Variants in HOXA7 observed in about 807,000 individuals in gnomAD.
HOXA7 encodes the protein homeobox A7, also known as homeobox protein Hox-A7.
HOXA7 carries 16 observed loss-of-function variants against 16.8 expected under a neutral mutation model. The observed-to-expected ratio is 0.95, with a 90% CI of 0.64 to 1.44. The LOEUF (loss-of-function observed/expected upper bound fraction) is 1.44. Among genes scored for constraint, HOXA7 ranks in the 40% most tolerant of loss-of-function variants. The probability of loss-of-function intolerance (pLI) is 0.00; values close to 1 mark genes in which losing one functional copy is unlikely to be tolerated. For missense variants in HOXA7, 379 were observed against 328.6 expected, an observed-to-expected ratio of 1.15 and a Z score of -1.19; for synonymous variants, 169 against 144.3, an observed-to-expected ratio of 1.17 and a Z score of -1.23.
intron 1 of HOXA7, 86 bp downstream of exon 1, chr7:27,156,081 C>T (rs1357388513): frequency 2.2e-6 from 3 of 1,364,728 alleles, no homozygotes; most frequent in Non-Finnish European, 2.8e-6. Context: ...TCCGGCCCCG[C>T]GCCCCGCGCT....
Position 27,156,261 on chromosome 7 carries a change from G to A in HOXA7, c.285C>T (p.Asp95=). The A allele has an allele frequency of 1.2e-6, 2 of 1,612,272 alleles. No individual in the cohort carries two copies. Residue 95 remains aspartate (D), a synonymous_variant, in exon 1 of 2, where the codon GAC becomes GAT. Transcript: ENST00000242159. ...TCTTGTCGCAGGCGCCTTTGGCGAG[G>A]TCACTGCAGAGCCCGGGGATGTTTT... ...YDQNIPGLCS[D]LAKGACDKTD... is the part of the protein sequence containing the mutation.
At position 27,156,238 on chromosome 7, in the gene HOXA7, T is replaced by G; in HGVS notation, c.308A>C (p.Lys103Thr). The change falls in exon 1 of 2, where the codon AAG becomes ACG. Residue 103 changes from lysine (K) to threonine (T), a missense_variant. Coordinates refer to ENST00000242159, the MANE Select transcript of HOXA7 (RefSeq NM_006896.4). ...CSDLAKGACDKTDEGALHGAA... is the reference protein window; with the variant it reads ...CSDLAKGACDTTDEGALHGAA... ...GCCATGCAGCGCGCCCTCGTCCGTC[T>G]TGTCGCAGGCGCCTTTGGCGAGGTC... The G allele has an allele frequency of 1.2e-6, 2 of 1,608,020 alleles. No individual in the cohort carries two copies. Among genetic ancestry groups the G allele is most frequent in the Non-Finnish European group, 1.7e-6 (2 of 1,177,224 alleles).
rs1783078553 is a variant in HOXA7, at chr7:27,154,983, C to T, written c.619G>A (p.Ala207Thr). The change falls in exon 2 of 2, where the codon GCC (alanine) becomes ACC (threonine). Residue 207 changes from alanine (A) to threonine (T), a missense_variant. Coordinates refer to ENST00000242159, the MANE Select transcript of HOXA7 (RefSeq NM_006896.4). ...AAAPEGAVPS[A>T]AATAAADKAD... is the part of the protein sequence containing the mutation. ...TTGTCCGCGGCAGCAGTGGCGGCGG[C>T]AGAGGGCACGGCGCCCTCGGGAGCT... 6.2e-7 allele frequency: 1 copy of T among 1,613,504 alleles called. No individual in the cohort carries two copies. Among genetic ancestry groups the T allele is most frequent in the Non-Finnish European group, 8.5e-7 (1 of 1,179,582 alleles).
Position 27,156,201 on chromosome 7 carries a change from G to T in HOXA7, c.345C>A (p.Ala115=), listed in dbSNP as rs747409129. ...DEGALHGAAE[A]NFRIYPWMRS... Reference sequence around the variant, plus strand: ...GCATCCAGGGGTAGATGCGGAAATTGGCCTCAGCCGCGCCATGCAGCGCGC... The same window carrying T: ...GCATCCAGGGGTAGATGCGGAAATTTGCCTCAGCCGCGCCATGCAGCGCGC... Residue 115 remains alanine (A), a synonymous_variant, in exon 1 of 2, where the codon GCC becomes GCA. Coordinates refer to ENST00000242159, the MANE Select transcript of HOXA7 (RefSeq NM_006896.4). 13 of 1,587,610 alleles carry T rather than the reference G, an allele frequency of 8.2e-6. No homozygotes were observed. The highest frequency in any genetic ancestry group is 1.0e-5 in the Non-Finnish European group (12 of 1,166,634).
In HOXA7 at chr7:27,154,865, G is replaced by A. The variant is rs780308242; in HGVS notation, c.*44C>T. 21 of 1,545,152 alleles carry A rather than the reference G, an allele frequency of 1.4e-5. No individual in the cohort carries two copies. Among genetic ancestry groups the A allele is most frequent in the Middle Eastern group, 3.5e-4 (2 of 5,694 alleles). ...TAAAACCAGTGAGTCTCTTAAAGAC[G>A]CTTTTCCGACTGTCCGGTGCAGAGA... On this transcript the variant is annotated 3_prime_UTR_variant, in exon 2 of 2. Transcript: ENST00000242159.
At chr7:27,155,940 A>C in intron 1 of HOXA7, 1 of 415,916 alleles carries the variant, frequency 2.4e-6, no homozygotes, top group Non-Finnish European at 4.1e-6. Flanking sequence ...TGGGCCATAA[A>C]AAGTTTTATG....
At chr7:27,155,526 T>C (rs1220825311) in intron 1 of HOXA7, 6 of 436,994 alleles carry the variant, frequency 1.4e-5, no homozygotes, top group Non-Finnish European at 2.5e-5. Context: ...AGGAAAACTG[T>C]AAATATAGAG....
chr7:27,155,038 C>G lies in HOXA7; in HGVS notation c.564G>C (p.Glu188Asp). The G allele has an allele frequency of 6.2e-7, 1 of 1,614,216 alleles. No homozygotes were observed. Among genetic ancestry groups the G allele is most frequent in the Non-Finnish European group, 8.5e-7 (1 of 1,180,032 alleles). Residue 188 changes from glutamate (E) to aspartate (D), a missense_variant, in exon 2 of 2, where the codon GAG becomes GAC. By Grantham distance (45) the Glu-to-Asp change is conservative. Coordinates refer to ENST00000242159, the MANE Select transcript of HOXA7 (RefSeq NM_006896.4). ...CGGCAGTCGGACCTTCGTCCTTATGCTCTTTCTTCCACTTCATGCGGCGGT... is the reference window on the plus strand; with the variant it reads ...CGGCAGTCGGACCTTCGTCCTTATGGTCTTTCTTCCACTTCATGCGGCGGT... ...FQNRRMKWKKEHKDEGPTAAA... is the reference protein window; with the variant it reads ...FQNRRMKWKKDHKDEGPTAAA...
Position 27,155,141 on chromosome 7 carries a change from T to C in HOXA7, c.461A>G (p.Tyr154Cys). ...ELEKEFHFNR[Y>C]LTRRRRIEIA... Reference sequence around the variant, plus strand: ...TTCAATGCGGCGGCGCCGCGTCAGGTAGCGGTTGAAGTGGAACTCCTTCTC... The same window carrying C: ...TTCAATGCGGCGGCGCCGCGTCAGGCAGCGGTTGAAGTGGAACTCCTTCTC... Residue 154 changes from tyrosine to cysteine, a missense_variant, in exon 2 of 2, where the codon TAC becomes TGC. Tyr to Cys is a radical substitution (Grantham distance 194). Coordinates refer to ENST00000242159, the MANE Select transcript of HOXA7 (RefSeq NM_006896.4). The C allele has an allele frequency of 6.2e-7, 1 of 1,614,262 alleles. No homozygotes were observed. The highest frequency in any genetic ancestry group is 8.5e-7 in the Non-Finnish European group (1 of 1,180,048).
rs17500918 is a variant in HOXA7 at position 27,153,859 on chromosome 7, A to C, written c.*1050T>G. The C allele has an allele frequency of 1.3e-5, 2 of 152,616 alleles. No individual in the cohort carries two copies. The highest frequency in any genetic ancestry group is 2.9e-5 in the Non-Finnish European group (2 of 68,084). The allele number at this position is 152,616 out of a possible 1,614,324, so 9.5% of individuals were successfully genotyped here. A position where few individuals can be genotyped will look rare whatever the true frequency, so the allele number is the denominator to read the frequency against. On this transcript the variant is annotated 3_prime_UTR_variant, in exon 2 of 2. Transcript: ENST00000242159. ...TGAAGGGCATTGCGGAGGGCATTGG[A>C]CCTCCCCACCCACTACAGTTAACTC...
chr7:27,156,451 G>T lies in HOXA7; in HGVS notation c.95C>A (p.Ala32Asp). The change falls in exon 1 of 2, where the codon GCT (alanine) becomes GAT (aspartate). Residue 32 changes from alanine (A) to aspartate (D), a missense_variant. Coordinates refer to ENST00000242159, the MANE Select transcript of HOXA7 (RefSeq NM_006896.4). ...QNAEPTSCSF[A>D]PNSQRSGYGA... ...GTAGCCGCTTCTCTGTGAGTTGGGA[G>T]CAAAGGAGCAAGAAGTCGGCTCGGC... The T allele has an allele frequency of 1.9e-6, 3 of 1,613,596 alleles. No homozygotes were observed. Among genetic ancestry groups the T allele is most frequent in the Non-Finnish European group, 1.7e-6 (2 of 1,179,610 alleles).
In HOXA7 at chr7:27,155,094, T is replaced by C. The variant is rs754810820; in HGVS notation, c.508A>G (p.Thr170Ala). ...AACCAGATCTTAATCTGGCGCTCGG[T>C]GAGGCAGAGCGCGTGGGCGATTTCA... is the stretch of plus-strand genomic sequence containing the variant. ...RIEIAHALCL[T>A]ERQIKIWFQN... is the part of the protein sequence containing the mutation. The change falls in exon 2 of 2, where the codon ACC (threonine) becomes GCC (alanine). Residue 170 changes from threonine (T) to alanine (A), a missense_variant. Transcript: ENST00000242159. The C allele has an allele frequency of 2.5e-6, 4 of 1,614,214 alleles. No individual in the cohort carries two copies. The highest frequency in any genetic ancestry group is 3.4e-6 in the Non-Finnish European group (4 of 1,180,038).
At position 27,154,604 on chromosome 7, in the gene HOXA7, T is replaced by G; in HGVS notation, c.*305A>C. On this transcript the variant is annotated 3_prime_UTR_variant, in exon 2 of 2. Transcript: ENST00000242159. The stretch of plus-strand genomic sequence containing the variant: ...GCCTCGAGCAGAGGCCTGTGCTAGG[T>G]AGTATTTTGGACGCGCCAGAGCAGG... 2.5e-6 allele frequency: 1 copy of G among 399,820 alleles called. No individual in the cohort carries two copies. Among genetic ancestry groups the G allele is most frequent in the Non-Finnish European group, 4.5e-6 (1 of 222,958 alleles). The allele number at this position is 399,820 out of a possible 1,614,324, so 24.8% of individuals were successfully genotyped here.
At position 27,156,466 on chromosome 7, in the gene HOXA7, G is replaced by C. The variant is rs758448332; in HGVS notation, c.80C>G (p.Thr27Ser). The part of the protein sequence containing the change: ...GASLFQNAEP[T>S]SCSFAPNSQR... ...TGAGTTGGGAGCAAAGGAGCAAGAA[G>C]TCGGCTCGGCATTTTGGAACAGAGA... Residue 27 changes from threonine to serine, a missense_variant, in exon 1 of 2, where the codon ACT (threonine) becomes AGT (serine). Physicochemically the swap from Thr to Ser is moderately conservative, Grantham distance 58 (BLOSUM62 1). Transcript: ENST00000242159. The C allele has an allele frequency of 1.2e-6, 2 of 1,613,048 alleles. No individual in the cohort carries two copies. The highest frequency in any genetic ancestry group is 2.2e-5 in the East Asian group (1 of 44,840).
At position 27,154,756 on chromosome 7, in the gene HOXA7, T is replaced by G; in HGVS notation, c.*153A>C. 9.1e-7 allele frequency: 1 copy of G among 1,094,666 alleles called. No individual in the cohort carries two copies. The highest frequency in any genetic ancestry group is 1.3e-6 in the Non-Finnish European group (1 of 791,748). 67.8% of individuals were successfully genotyped at this position (1,094,666 alleles called of 1,614,324 possible). A position where few individuals can be genotyped will look rare whatever the true frequency, so the allele number is the denominator to read the frequency against. ...AGCTGGAGTAGGTGATGGGGGTGGG[T>G]AGAGTGCAGGTTGGGGACTGGGTTG... On this transcript the variant is annotated 3_prime_UTR_variant, in exon 2 of 2. Coordinates refer to ENST00000242159, the MANE Select transcript of HOXA7 (RefSeq NM_006896.4).
chr7:27,156,108 T>G (rs1225031533), intron 1 of HOXA7, 59 bp downstream of exon 1: 1 of 1,413,890 alleles, frequency 7.1e-7, no homozygotes, highest in East Asian at 2.7e-5. Flanking sequence ...TCCCCAGCGC[T>G]GCGCTCCCCG....
intron 1 of HOXA7, 154 bp downstream of exon 1, chr7:27,156,013 A>C: frequency 1.1e-6 from 1 of 900,184 alleles, no homozygotes; most frequent in African/African-American, 1.8e-5. Context: ...AATTAAAACC[A>C]GAAAGGCTGC....
Position 27,156,213 on chromosome 7 carries a change from G to A in HOXA7, c.333C>T (p.Gly111=), listed in dbSNP as rs373627995. ...AGATGCGGAAATTGGCCTCAGCCGC[G>A]CCATGCAGCGCGCCCTCGTCCGTCT... is the stretch of plus-strand genomic sequence containing the variant. ...CDKTDEGALH[G]AAEANFRIYP... The change falls in exon 1 of 2, where the codon GGC becomes GGT. Residue 111 remains glycine, a synonymous_variant. Transcript: ENST00000242159. 1.3e-6 allele frequency: 2 copies of A among 1,597,268 alleles called. No individual in the cohort carries two copies. The highest frequency in any genetic ancestry group is 1.7e-6 in the Non-Finnish European group (2 of 1,171,958).
chr7:27,156,096 G>C (rs960780142), intron 1 of HOXA7, 71 bp downstream of exon 1: 3 of 1,372,096 alleles, frequency 2.2e-6, no homozygotes, highest in African/African-American at 1.5e-5. Flanking sequence ...CGCGCTCCGC[G>C]CTCCCCAGCG....
Sources: gnomAD v4.1 joint callset for allele counts on GRCh38, gnomAD v4.1.1 for gene constraint, MANE v1.5 for transcripts, NCBI Gene and HGNC (gene_info 2026-07-23, HGNC 2026-07-21) for gene names.